Variants in HDAC4 observed in about 807,000 individuals in gnomAD.
The protein encoded by HDAC4 is histone deacetylase A.
Under a neutral mutation model 135.1 loss-of-function variants are expected in HDAC4, and 16 were observed. That is an observed-to-expected ratio of 0.12 (90% CI 0.08 to 0.18). The LOEUF (loss-of-function observed/expected upper bound fraction) is 0.18, where lower values mean the gene tolerates loss of function less well. HDAC4 is among the 10% of genes least tolerant of loss of function. The pLI, the probability that HDAC4 is intolerant of heterozygous loss-of-function variation, is 1.00. For synonymous variants in HDAC4, 685 were observed against 653.4 expected (o/e 1.05, Z -0.74); for missense variants, 1,143 against 1,511.8 (o/e 0.76, Z 4.05).
At chr2:239,190,184 G>GGGGGGGCC in intron 3 of HDAC4, 107 bp from the exon 4 acceptor site, 1 of 1,245,014 alleles carries the variant, frequency 8.0e-7, no homozygotes, top group Non-Finnish European at 1.1e-6. Context: ...CGGGGGGGGG[G>GGGGGGGCC]TTGTGACCAT....
At chr2:239,237,579 CA>C (rs112938737) in intron 2 of HDAC4, among the ~76,000 whole-genome samples, 3,350 of 136,034 alleles carry the variant, frequency 0.025, 107 homozygotes, top group African/African-American at 0.079. Context: ...CAAATGACTG[CA>C]AAAAAAAAAA....
chr2:239,236,744 G>GT, intron 2 of HDAC4, 80 bp from the exon 3 acceptor site: 2 of 1,001,248 alleles, frequency 2.0e-6, no homozygotes, highest in Non-Finnish European at 3.1e-6. Context: ...TCTGCAGGGA[G>GT]TAACTCCCCA....
chr2:239,153,512 G>A lies in HDAC4; in HGVS notation c.733+3140C>T, dbSNP rs6716359. Reference sequence around the variant, plus strand: ...CGATGTCATGTGTTTGAAAGTAGATGTCAAGGGTGATACAGGGTGTGTAAC... The same window carrying A: ...CGATGTCATGTGTTTGAAAGTAGATATCAAGGGTGATACAGGGTGTGTAAC... On this transcript the variant is annotated intron_variant, in intron 7 of 26. Coordinates refer to ENST00000543185, the MANE Select transcript of HDAC4 (RefSeq NM_001378414.1). Among the ~76,000 whole-genome samples the A allele has an allele frequency of 3.6e-3, 545 of 152,300 alleles. 4 individuals are homozygous for A. Among genetic ancestry groups the A allele is most frequent in the African/African-American group, 0.013 (521 of 41,544 alleles).
In HDAC4 at chr2:239,120,369, ATATACC is replaced by A. The variant is rs1314232800; in HGVS notation, c.1534-5065_1534-5060del. Among the ~76,000 whole-genome samples, 690 of 151,936 alleles carry A rather than the reference ATATACC, an allele frequency of 4.5e-3. 5 individuals are homozygous for A. The highest frequency in any genetic ancestry group is 0.015 in the African/African-American group (633 of 41,442). On this transcript the variant is annotated intron_variant, in intron 12 of 26. Transcript: ENST00000543185. ...TACAGATACATACACACACAGATACATATACCCGCAGAGGCACACACAGACGCACAC... is the reference window on the plus strand; with the variant it reads ...TACAGATACATACACACACAGATACACGCAGAGGCACACACAGACGCACAC...
intron 2 of HDAC4, among the ~76,000 whole-genome samples, chr2:239,288,341 C>A (rs2051255566): frequency 6.6e-6 from 1 of 152,192 alleles, no homozygotes; most frequent in Non-Finnish European, 1.5e-5. Context: ...CTATGTCAAA[C>A]ATCATACTTA....
rs1464678551 is a variant in HDAC4, at chr2:239,144,602, C to T, written c.846G>A (p.Lys282=). Residue 282 remains lysine (K), a synonymous_variant, in exon 8 of 27, where the codon AAG becomes AAA. Transcript: ENST00000543185. ...ACATACCTGTGACATCCAACGGACG[C>T]TTTTTTAGAGCAGTGACCACTGGCC... ...KDGPVVTALK[K]RPLDVTDSAC... 6.2e-7 allele frequency: 1 copy of T among 1,614,092 alleles called. No individual in the cohort carries two copies. The highest frequency in any genetic ancestry group is 1.1e-5 in the South Asian group (1 of 91,072).
At chr2:239,256,150 T>G (rs1330556481) in intron 2 of HDAC4, among the ~76,000 whole-genome samples, 1 of 152,196 alleles carries the variant, frequency 6.6e-6, no homozygotes, top group Non-Finnish European at 1.5e-5. Context: ...CGTTTCAGAG[T>G]TTGAAACATT....
intron 5 of HDAC4, among the ~76,000 whole-genome samples, chr2:239,164,237 T>C (rs2042992140): frequency 6.6e-6 from 1 of 152,256 alleles, no homozygotes; most frequent in South Asian, 2.1e-4. Flanking sequence ...AAGAACACTC[T>C]GAATTAGGCA....
At chr2:239,224,844 G>A (rs540232285) in intron 3 of HDAC4, among the ~76,000 whole-genome samples, 4 of 152,300 alleles carry the variant, frequency 2.6e-5, no homozygotes, top group African/African-American at 9.6e-5. Flanking sequence ...AGCGATTCTC[G>A]CCTCTCACAT....
At chr2:239,383,562 A>G (rs1451371152) in intron 1 of HDAC4, among the ~76,000 whole-genome samples, 1 of 151,956 alleles carries the variant, frequency 6.6e-6, no homozygotes, top group Non-Finnish European at 1.5e-5. Flanking sequence ...CTGGGCCACA[A>G]TGAAGCAACA....
At chr2:239,208,776 G>A (rs1266171732) in intron 3 of HDAC4, among the ~76,000 whole-genome samples, 1 of 151,844 alleles carries the variant, frequency 6.6e-6, no homozygotes, top group Non-Finnish European at 1.5e-5. Context: ...ACTGCAACAA[G>A]CAGAAAACCT....
At chr2:239,137,903 T>C (rs2041087028) in intron 9 of HDAC4, among the ~76,000 whole-genome samples, 1 of 152,234 alleles carries the variant, frequency 6.6e-6, no homozygotes, top group South Asian at 2.1e-4. Context: ...GTTCTATTAA[T>C]TTCCAGTAGC....
chr2:239,140,743 G>GGTGGGGGCCCT lies in HDAC4; in HGVS notation c.866-948_866-947insAGGGCCCCCAC, dbSNP rs530146524. 253 of 285,730 alleles carry GGTGGGGGCCCT rather than the reference G, an allele frequency of 8.9e-4. 2 individuals are homozygous for GGTGGGGGCCCT. The highest frequency in any genetic ancestry group is 7.1e-3 in the South Asian group (248 of 34,930). The allele number at this position is 285,730 out of a possible 1,614,324, so 17.7% of individuals were successfully genotyped here. A position where few individuals can be genotyped will look rare whatever the true frequency, so the allele number is the denominator to read the frequency against. On this transcript the variant is annotated intron_variant, in intron 8 of 26. Transcript: ENST00000543185. ...AAGGGACATGGTGGGGGCCCTGGAGGGGAGGTTAAGGGATGTTTTCCCCAA... is the reference window on the plus strand; with the variant it reads ...AAGGGACATGGTGGGGGCCCTGGAGGGTGGGGGCCCTGGAGGTTAAGGGATGTTTTCCCCAA...
intron 2 of HDAC4, among the ~76,000 whole-genome samples, chr2:239,321,702 G>T (rs1445738500): frequency 6.6e-6 from 1 of 151,966 alleles, no homozygotes; most frequent in Non-Finnish European, 1.5e-5. Flanking sequence ...TTCTTCTAAG[G>T]TCTGACATTT....
At chr2:239,358,277 G>A (rs1332121839) in intron 1 of HDAC4, among the ~76,000 whole-genome samples, 4 of 152,218 alleles carry the variant, frequency 2.6e-5, no homozygotes, top group African/African-American at 9.7e-5. Context: ...CTCACAGATA[G>A]TTACGTTATC....
At chr2:239,147,996 T>C (rs1160054992) in intron 7 of HDAC4, among the ~76,000 whole-genome samples, 3 of 152,084 alleles carry the variant, frequency 2.0e-5, no homozygotes, top group Middle Eastern at 3.2e-3. Context: ...AGGGGCCGGG[T>C]TTACAGAGGG....
intron 3 of HDAC4, among the ~76,000 whole-genome samples, chr2:239,204,514 C>T (rs1005768466): frequency 7.9e-5 from 12 of 152,182 alleles, no homozygotes; most frequent in African/African-American, 9.7e-5. Context: ...GGCTCTGATT[C>T]GGATCACGTC....
intron 1 of HDAC4, among the ~76,000 whole-genome samples, chr2:239,394,786 C>T (rs112508260): frequency 5.3e-5 from 8 of 152,374 alleles, no homozygotes; most frequent in African/African-American, 1.9e-4. Flanking sequence ...ACTGGGCTAC[C>T]TACTCATCCA....
intron 4 of HDAC4, among the ~76,000 whole-genome samples, chr2:239,188,871 T>C (rs58748119): frequency 0.015 from 2,292 of 152,300 alleles, 68 homozygotes; most frequent in African/African-American, 0.053. Flanking sequence ...GCCATGTGAG[T>C]GAGCCTGAAT....
Sources: gnomAD v4.1 joint callset for allele counts (sites outside exome capture counted in the v4.1 genomes callset) on GRCh38, gnomAD v4.1.1 for gene constraint, MANE v1.5 for transcripts, NCBI Gene and HGNC (gene_info 2026-07-23, HGNC 2026-07-21) for gene names.